HIPK2: variants seen among roughly 807,000 people sequenced by gnomAD.
The protein encoded by HIPK2 is homeodomain interacting protein kinase 2.
In HIPK2, 27 loss-of-function variants were observed where a neutral mutation model predicts 113.7. The ratio of observed to expected loss-of-function variants is 0.24; its 90% CI spans 0.17 to 0.33. The LOEUF is 0.33. Among genes scored for constraint, HIPK2 ranks in the 10% least tolerant of loss-of-function variants. HIPK2 has a pLI of 1.00. For missense variants in HIPK2, 1,257 were observed against 1,588.0 expected, an observed-to-expected ratio of 0.79 and a Z score of 3.54; for synonymous variants, 631 against 642.2, an observed-to-expected ratio of 0.98 and a Z score of 0.26.
At chr7:139,651,257 C>T (rs1801448151) in intron 2 of HIPK2, among the ~76,000 whole-genome samples, 1 of 152,180 alleles carries the variant, frequency 6.6e-6, no homozygotes, top group Non-Finnish European at 1.5e-5. Flanking sequence ...GACTTCCAAG[C>T]ACCCAAATGC....
At chr7:139,589,943 A>G (rs1278705819) in intron 12 of HIPK2, among the ~76,000 whole-genome samples, 1 of 152,180 alleles carries the variant, frequency 6.6e-6, no homozygotes, top group Non-Finnish European at 1.5e-5. Context: ...GCAGAAGGTG[A>G]ATTCATTTGC....
intron 1 of HIPK2, among the ~76,000 whole-genome samples, chr7:139,733,523 TAATC>T (rs1482750072): frequency 1.3e-5 from 2 of 152,198 alleles, no homozygotes; most frequent in South Asian, 2.1e-4. Context: ...ATTAAGCACT[TAATC>T]AGGGGAAAAG....
At chr7:139,736,389 A>C (rs144121003) in intron 1 of HIPK2, among the ~76,000 whole-genome samples, 1 of 152,300 alleles carries the variant, frequency 6.6e-6, no homozygotes, top group East Asian at 1.9e-4. Flanking sequence ...TGCCCTGAAG[A>C]AGCATTCACC....
At chr7:139,626,840 C>T (rs1047072555) in intron 5 of HIPK2, 55 bp from the exon 6 acceptor site, 61 of 1,594,804 alleles carry the variant, frequency 3.8e-5, no homozygotes, top group Non-Finnish European at 4.7e-5. Flanking sequence ...CCTCCCCTCT[C>T]CTGGCTCCCC....
intron 13 of HIPK2, among the ~76,000 whole-genome samples, chr7:139,579,911 G>A (rs1049458628): frequency 5.3e-5 from 8 of 152,130 alleles, no homozygotes; most frequent in African/African-American, 1.9e-4. Flanking sequence ...CAGGACACCA[G>A]AGCCTCCTGG....
At chr7:139,721,954 G>A in intron 1 of HIPK2, 1 of 369,518 alleles carries the variant, frequency 2.7e-6, no homozygotes, top group South Asian at 2.1e-5. Context: ...ATTCACTAAA[G>A]GACAGGGAGT....
At position 139,608,620 on chromosome 7, in the gene HIPK2, T is replaced by G. The variant is rs1446074445; in HGVS notation, c.2113-4397A>C. Among the ~76,000 whole-genome samples the G allele has an allele frequency of 2.0e-5, 3 of 152,254 alleles. No homozygotes were observed. The South Asian group carries it at 6.2e-4, about 32-fold the overall frequency. On this transcript the variant is annotated intron_variant, in intron 9 of 14. Coordinates refer to ENST00000406875, the MANE Select transcript of HIPK2 (RefSeq NM_022740.5). ...CAACCTAATTCCAGTGCCCATGCTT[T>G]CAGCCAATATACACCTCTCCTTGTG... is the stretch of plus-strand genomic sequence containing the variant.
intron 2 of HIPK2, among the ~76,000 whole-genome samples, chr7:139,647,551 G>A (rs1392592528): frequency 6.6e-6 from 1 of 152,114 alleles, no homozygotes; most frequent in Non-Finnish European, 1.5e-5. Flanking sequence ...CTTTTTAATA[G>A]GAGAAGCTTG....
intron 2 of HIPK2, among the ~76,000 whole-genome samples, chr7:139,641,240 C>T (rs1801006389): frequency 6.6e-6 from 1 of 152,008 alleles, no homozygotes; most frequent in South Asian, 2.1e-4. Context: ...TGGCACGCAC[C>T]TGTAATCCCA....
intron 2 of HIPK2, among the ~76,000 whole-genome samples, chr7:139,651,203 T>C (rs1436453000): frequency 1.3e-5 from 2 of 152,028 alleles, no homozygotes; most frequent in Admixed American, 6.6e-5. Context: ...AATGAAGCAC[T>C]TTCTAAAAAG....
intron 13 of HIPK2, among the ~76,000 whole-genome samples, chr7:139,580,764 T>C (rs1798641670): frequency 6.6e-6 from 1 of 152,232 alleles, no homozygotes; most frequent in Non-Finnish European, 1.5e-5. Context: ...GGCAGCTCCA[T>C]GTAGGGCTGT....
chr7:139,608,114 C>G (rs1420652436), intron 9 of HIPK2, among the ~76,000 whole-genome samples: 2 of 151,644 alleles, frequency 1.3e-5, no homozygotes, highest in African/African-American at 2.4e-5. Flanking sequence ...CGTGGTGGCA[C>G]ATGCCTGTAA....
intron 2 of HIPK2, among the ~76,000 whole-genome samples, chr7:139,713,787 C>T (rs1795138389): frequency 6.6e-6 from 1 of 152,210 alleles, no homozygotes; most frequent in South Asian, 2.1e-4. Context: ...TACGAAGTGG[C>T]ACAGCAGCCT....
Position 139,658,025 on chromosome 7 carries a change from C to T in HIPK2, c.1104-26300G>A, listed in dbSNP as rs1801732712. Among the ~76,000 whole-genome samples, 4 of 152,208 alleles carry T rather than the reference C, an allele frequency of 2.6e-5. No homozygotes were observed. In the South Asian group the frequency reaches 8.3e-4, roughly 32 times the overall value. On this transcript the variant is annotated intron_variant, in intron 2 of 14. Coordinates refer to ENST00000406875, the MANE Select transcript of HIPK2 (RefSeq NM_022740.5). ...CTTAAATGTTATGAGCCTAAGTTCC[C>T]TCAGCCATAAGATGGTAGCAGCCAT...
Position 139,716,942 on chromosome 7 carries a change from C to T in HIPK2, c.93G>A (p.Leu31=), listed in dbSNP as rs931528143. 1.2e-6 allele frequency: 2 copies of T among 1,613,756 alleles called. No homozygotes were observed. The highest frequency in any genetic ancestry group is 2.7e-5 in the African/African-American group (2 of 74,896). ...QSSAFCSVKK[L]KIEPSSNWDM... ...CCCAGTTGGAACTCGGCTCTATTTT[C>T]AGTTTCTTCACACTACAGAAGGCAC... The change falls in exon 2 of 15, where the codon CTG becomes CTA. Residue 31 remains leucine (L), a synonymous_variant. Transcript: ENST00000406875. This position sits in a 1 kb window ranked among gnomAD's most constrained non-coding sequence, Gnocchi z 9.3.
chr7:139,670,746 TCTTTCTTTC>T (rs1569470218), intron 2 of HIPK2, among the ~76,000 whole-genome samples: 3 of 68,256 alleles, frequency 4.4e-5, no homozygotes, highest in Admixed American at 1.8e-4. Context: ...TTTCTTTCTT[TCTTTCTTTC>T]TTTCTTTTTT....
chr7:139,718,650 T>C (rs1269830478), intron 1 of HIPK2, among the ~76,000 whole-genome samples: 1 of 152,180 alleles, frequency 6.6e-6, no homozygotes, highest in Non-Finnish European at 1.5e-5. Flanking sequence ...ACCACTGTTC[T>C]TTCTCTTGTA....
At chr7:139,635,762 G>A (rs1043103231) in intron 2 of HIPK2, among the ~76,000 whole-genome samples, 2 of 152,132 alleles carry the variant, frequency 1.3e-5, no homozygotes, top group African/African-American at 4.8e-5. Flanking sequence ...AATACAAAAC[G>A]TGTGTCACAG....
intron 2 of HIPK2, among the ~76,000 whole-genome samples, chr7:139,674,864 T>C (rs12673705): frequency 0.43 from 65,493 of 151,980 alleles, 15,858 homozygotes; most frequent in Non-Finnish European, 0.55. Flanking sequence ...AGGTGCCACA[T>C]ATGGACTGGA....
Sources: gnomAD v4.1 joint callset for allele counts (sites outside exome capture counted in the v4.1 genomes callset) on GRCh38, gnomAD v4.1.1 for gene constraint, Gnocchi (gnomAD v3.1) non-coding constraint, MANE v1.5 for transcripts, NCBI Gene and HGNC (gene_info 2026-07-23, HGNC 2026-07-21) for gene names.